Variants in PHF6 observed in about 807,000 individuals in gnomAD.
PHF6 encodes the protein PHD finger protein 6.
Under a neutral mutation model 34.0 loss-of-function variants are expected in PHF6, and 7 were observed. The ratio of observed to expected loss-of-function variants is 0.21; its 90% CI spans 0.12 to 0.39. The LOEUF (loss-of-function observed/expected upper bound fraction) is 0.39. PHF6 is among the 10% of genes least tolerant of loss of function. The pLI, the probability that PHF6 is intolerant of heterozygous loss-of-function variation, is 1.00. For missense variants in PHF6, 128 were observed against 262.8 expected (o/e 0.49, Z 3.55); for synonymous variants, 89 against 88.4 (o/e 1.01, Z -0.04).
intron 5 of PHF6, among the ~76,000 whole-genome samples, chrX:134,403,238 GAAGTT>G (rs898418832): frequency 1.2e-4 from 14 of 112,140 alleles, no homozygotes; most frequent in African/African-American, 4.5e-4. Flanking sequence ...GTTCTTGGAG[GAAGTT>G]AAAAGTGCTA....
rs1343169309 is a variant in PHF6, at chrX:134,373,360, C to T, written c.-154C>T. On this transcript the variant is annotated 5_prime_UTR_variant, in exon 1 of 11. Transcript: ENST00000370803. The stretch of plus-strand genomic sequence containing the variant: ...CTCCTCGAATGAAAGGAAACAACCT[C>T]CGGCGACAGAGCCCCGCTCTCAGGC... The T allele has an allele frequency of 8.9e-6, 1 of 112,889 alleles. No individual in the cohort carries two copies. The highest frequency in any genetic ancestry group is 1.9e-5 in the Non-Finnish European group (1 of 53,346). 9.3% of individuals were successfully genotyped at this position (112,889 alleles called of 1,213,427 possible). A position where few individuals can be genotyped will look rare whatever the true frequency, so the allele number is the denominator to read the frequency against.
At chrX:134,387,098 TGGCATGCAGATTAATTTTAA>T (rs1030194013) in intron 3 of PHF6, among the ~76,000 whole-genome samples, 9 of 111,160 alleles carry the variant, frequency 8.1e-5, no homozygotes, top group African/African-American at 2.6e-4. Flanking sequence ...GCTCCAGTTA[TGGCATGCAGATTAATTTTAA>T]TGTATGCAGA....
In PHF6 at chrX:134,425,661, G is replaced by T; in HGVS notation, c.*1G>T. ...CATTTTTTTATCATCTTTTAAACAG[G>T]TTCATGGGACAGAGTTAGAAAACTG... is the stretch of plus-strand genomic sequence containing the variant. On this transcript the variant is annotated splice_region_variant and 3_prime_UTR_variant, in exon 11 of 11. Transcript: ENST00000370803. The T allele has an allele frequency of 4.4e-6, 1 of 227,984 alleles. No individual in the cohort carries two copies. The highest frequency in any genetic ancestry group is 7.9e-6 in the Non-Finnish European group (1 of 126,250). The allele number at this position is 227,984 out of a possible 1,213,427, so 18.8% of individuals were successfully genotyped here. A position where few individuals can be genotyped will look rare whatever the true frequency, so the allele number is the denominator to read the frequency against.
chrX:134,382,654 G>A (rs1241781813), intron 3 of PHF6, among the ~76,000 whole-genome samples: 1 of 99,981 alleles, frequency 1.0e-5, no homozygotes, highest in Non-Finnish European at 2.0e-5. Flanking sequence ...CTGCAACTCC[G>A]CCTCCCAGGT....
At chrX:134,411,593 A>C (rs1403333345) in intron 5 of PHF6, among the ~76,000 whole-genome samples, 1 of 111,284 alleles carries the variant, frequency 9.0e-6, no homozygotes, top group African/African-American at 3.3e-5. Flanking sequence ...AGTGATGCTT[A>C]TTTTCATAAT....
intron 5 of PHF6, among the ~76,000 whole-genome samples, chrX:134,397,840 A>G (rs1258805343): frequency 8.9e-6 from 1 of 112,057 alleles, no homozygotes; most frequent in Non-Finnish European, 1.9e-5. Context: ...AAGAGCTTGA[A>G]GTCTAATATG....
intron 3 of PHF6, among the ~76,000 whole-genome samples, chrX:134,379,846 A>G (rs754247304): frequency 6.3e-5 from 7 of 111,828 alleles, no homozygotes; most frequent in Non-Finnish European, 9.4e-5. Context: ...TTTATTTCCT[A>G]GTCCTTAAAA....
chrX:134,398,477 T>C (rs1021274796), intron 5 of PHF6, among the ~76,000 whole-genome samples: 1 of 111,906 alleles, frequency 8.9e-6, no homozygotes, highest in African/African-American at 3.3e-5. Flanking sequence ...ATTTTGAATA[T>C]TATCCTAAGA....
chrX:134,376,085 G>A, intron 1 of PHF6, among the ~76,000 whole-genome samples: 2 of 112,025 alleles, frequency 1.8e-5, no homozygotes, highest in Admixed American at 1.9e-4. Context: ...TTGAAGTTGT[G>A]TTAAAAAGAA....
At chrX:134,417,896 C>T (rs2077477947) in intron 9 of PHF6, 1 of 112,130 alleles carries the variant, frequency 8.9e-6, no homozygotes, top group South Asian at 3.7e-4. Context: ...ATACTCTCCT[C>T]ATGAAGCTTA....
rs7059389 is a variant in PHF6 at position 134,393,756 on chromosome X, A to T, written c.374+122A>T. On this transcript the variant is annotated intron_variant, in intron 4 of 10. Coordinates refer to ENST00000370803, the MANE Select transcript of PHF6 (RefSeq NM_001015877.2). ...ATCATAAAGGGTGTTTTTGATAAGA[A>T]ATTTAATACTTAGAGAAATAGTACA... is the stretch of plus-strand genomic sequence containing the variant. 4.9e-6 allele frequency: 4 copies of T among 819,996 alleles called. No homozygotes were observed. In the Admixed American group the frequency reaches 1.2e-4, roughly 25 times the overall value. The allele number at this position is 819,996 out of a possible 1,213,427, so 67.6% of individuals were successfully genotyped here.
intron 5 of PHF6, among the ~76,000 whole-genome samples, chrX:134,412,101 A>G (rs1253445923): frequency 8.9e-6 from 1 of 112,467 alleles, no homozygotes; most frequent in African/African-American, 3.2e-5. Context: ...GAATATTTAA[A>G]TTAAGTAGTG....
intron 5 of PHF6, among the ~76,000 whole-genome samples, chrX:134,399,540 G>A (rs2077392666): frequency 9.0e-6 from 1 of 110,726 alleles, no homozygotes; most frequent in Admixed American, 9.7e-5. Context: ...TTAAAGGGTG[G>A]CTTTTTTCCC....
intron 3 of PHF6, among the ~76,000 whole-genome samples, chrX:134,389,714 C>T (rs1290787956): frequency 9.0e-6 from 1 of 111,327 alleles, no homozygotes; most frequent in African/African-American, 3.3e-5. Flanking sequence ...CTAATCTTTT[C>T]CCTGAAACAT....
chrX:134,389,271 A>G (rs2077343821), intron 3 of PHF6, among the ~76,000 whole-genome samples: 1 of 111,483 alleles, frequency 9.0e-6, no homozygotes, highest in Non-Finnish European at 1.9e-5. Flanking sequence ...AGAATATCTG[A>G]TACATGGGGC....
chrX:134,403,734 G>A (rs1020971290), intron 5 of PHF6, among the ~76,000 whole-genome samples: 1 of 111,869 alleles, frequency 8.9e-6, no homozygotes, highest in Non-Finnish European at 1.9e-5. Flanking sequence ...GGCTAATGCA[G>A]CTGGTGATTT....
At chrX:134,378,155 T>A in intron 3 of PHF6, 49 bp downstream of exon 3, 1 of 858,816 alleles carries the variant, frequency 1.2e-6, no homozygotes, top group Non-Finnish European at 1.7e-6. Context: ...TTAAACTCAT[T>A]AAAGAGGAAA....
chrX:134,406,164 C>A (rs1219872460), intron 5 of PHF6, among the ~76,000 whole-genome samples: 1 of 104,370 alleles, frequency 9.6e-6, no homozygotes, highest in Non-Finnish European at 1.9e-5. Flanking sequence ...GTGTGAGCAC[C>A]TTGGAGAATT....
At chrX:134,406,094 CTTTCTTTCTTTCTTTCTTT>C (rs1424246620) in intron 5 of PHF6, among the ~76,000 whole-genome samples, 1 of 99,155 alleles carries the variant, frequency 1.0e-5, no homozygotes, top group Non-Finnish European at 2.0e-5. Flanking sequence ...TTCTTTCTTT[CTTTCTTTCTTTCTTTCTTT>C]TTTTTTTTAC....
Sources: gnomAD v4.1 joint callset for allele counts (sites outside exome capture counted in the v4.1 genomes callset) on GRCh38, gnomAD v4.1.1 for gene constraint, MANE v1.5 for transcripts, NCBI Gene and HGNC (gene_info 2026-07-23, HGNC 2026-07-21) for gene names.